The following KRABD3 variants were observed in gnomAD, a reference collection of about 807,000 sequenced individuals.
KRABD3 encodes KRAB domain-containing protein 3.
At chr7:149,732,662 C>T in the KRABD3 span, among the ~76,000 whole-genome samples, 4 of 152,018 alleles carry the variant, frequency 2.6e-5, no homozygotes, top group African/African-American at 9.7e-5. This position sits in a 1 kb window ranked among gnomAD's most constrained non-coding sequence, Gnocchi z 4.0. Flanking sequence ...TGTAACTTCT[C>T]AATAGGGAGA....
At chr7:149,725,885 A>G in the KRABD3 span, 1 of 1,575,058 alleles carries the variant, frequency 6.3e-7, no homozygotes, top group Non-Finnish European at 8.6e-7. Flanking sequence ...TGTTCCCTAC[A>G]GAAGCGACCA....
the KRABD3 span, chr7:149,730,161 C>T: frequency 6.5e-7 from 1 of 1,536,180 alleles, no homozygotes; most frequent in Non-Finnish European, 8.8e-7. Context: ...TGCCCCCAAG[C>T]CCTCCCCGCT....
the KRABD3 span, chr7:149,730,248 C>G: frequency 7.7e-6 from 12 of 1,557,998 alleles, no homozygotes; most frequent in Non-Finnish European, 1.0e-5. Flanking sequence ...AGGCCCCAGC[C>G]CCAGCCCCAG....
At chr7:149,729,437 A>T in the KRABD3 span, 1 of 1,303,820 alleles carries the variant, frequency 7.7e-7, no homozygotes. Context: ...AAGGAAATAG[A>T]CTTCCCTCTC....
chr7:149,722,715 T>G, the KRABD3 span: 1 of 1,530,852 alleles, frequency 6.5e-7, no homozygotes, highest in Non-Finnish European at 8.8e-7. Flanking sequence ...GAGACCTGAA[T>G]GCCTGCCAGC....
the KRABD3 span, chr7:149,730,157 C>T: frequency 1.3e-4 from 195 of 1,530,954 alleles, 1 homozygote; most frequent in African/African-American, 2.5e-3. Context: ...GGTCTGCCCC[C>T]AAGCCCTCCC....
the KRABD3 span, chr7:149,720,241 T>A: frequency 8.5e-7 from 1 of 1,182,910 alleles, no homozygotes; most frequent in Admixed American, 2.4e-5. Flanking sequence ...CCTCCCCTAC[T>A]GCAACCTCCC....
At chr7:149,731,846 C>A in the KRABD3 span, 3 of 1,137,322 alleles carry the variant, frequency 2.6e-6, no homozygotes, top group Admixed American at 2.0e-5. Context: ...GGGAAAACAG[C>A]CTTCCAGGGT....
chr7:149,722,637 G>A, the KRABD3 span: 2 of 1,498,156 alleles, frequency 1.3e-6, no homozygotes, highest in South Asian at 1.2e-5. Flanking sequence ...TCCGCCGCCT[G>A]GGCCTGGTGG....
At chr7:149,730,038 G>C in the KRABD3 span, 1 of 1,399,488 alleles carries the variant, frequency 7.1e-7, no homozygotes, top group African/African-American at 1.5e-5. Flanking sequence ...AACGCATGCT[G>C]ATCGTGGGCT....
chr7:149,724,698 T>C, the KRABD3 span: 7 of 1,549,190 alleles, frequency 4.5e-6, no homozygotes, highest in Non-Finnish European at 6.1e-6. Flanking sequence ...ATCTTGGAGC[T>C]GGCGGTCTGC....
the KRABD3 span, chr7:149,725,370 TC>T: frequency 5.6e-6 from 9 of 1,607,096 alleles, no homozygotes; most frequent in Non-Finnish European, 7.6e-6. Context: ...TGAAGGGCAT[TC>T]CCCCAAATGG....
chr7:149,727,176 C>T, the KRABD3 span, among the ~76,000 whole-genome samples: 1 of 152,174 alleles, frequency 6.6e-6, no homozygotes, highest in African/African-American at 2.4e-5. Flanking sequence ...TCCTCTTGGT[C>T]TGTGTTGTCC....
the KRABD3 span, chr7:149,733,429 T>G: frequency 6.3e-7 from 1 of 1,594,530 alleles, no homozygotes; most frequent in Non-Finnish European, 8.5e-7. Flanking sequence ...CAGGCCTGGC[T>G]CAGGAAGTGG....
the KRABD3 span, chr7:149,722,761 G>C: frequency 1.3e-6 from 2 of 1,584,764 alleles, no homozygotes; most frequent in Non-Finnish European, 1.7e-6. Context: ...ACTGACCCAG[G>C]CCCACCTTGC....
chr7:149,730,500 G>A, the KRABD3 span: 162 of 1,610,484 alleles, frequency 1.0e-4, no homozygotes, highest in Non-Finnish European at 1.3e-4. Context: ...CCTGCTGGCA[G>A]CAGTGGCGGC....
At chr7:149,716,429 G>A in the KRABD3 span, among the ~76,000 whole-genome samples, 1 of 152,218 alleles carries the variant, frequency 6.6e-6, no homozygotes, top group African/African-American at 2.4e-5. Flanking sequence ...TGTGGGCAGA[G>A]CCAGCCAGTG....
the KRABD3 span, chr7:149,725,254 G>T: frequency 6.1e-6 from 9 of 1,471,524 alleles, no homozygotes; most frequent in Admixed American, 2.2e-5. Context: ...CCAGCCAGGG[G>T]TCTGATGGGC....
At chr7:149,733,368 G>A in the KRABD3 span, 1 of 1,611,962 alleles carries the variant, frequency 6.2e-7, no homozygotes, top group African/African-American at 1.3e-5. Context: ...GAGCTGCACA[G>A]CCTCGGTGCT....
Sources: allele counts gnomAD v4.1 joint callset (sites outside exome capture counted in the v4.1 genomes callset), GRCh38; gene constraint gnomAD v4.1.1; non-coding constraint Gnocchi (gnomAD v3.1); transcripts MANE v1.5; gene names NCBI Gene and HGNC (gene_info 2026-07-23, HGNC 2026-07-21).